The following FAF2 variants were observed in gnomAD, a reference collection of about 807,000 sequenced individuals.
The protein encoded by FAF2 is Fas associated factor family member 2.
In FAF2, 9 loss-of-function variants were observed where a neutral mutation model predicts 62.3. That is an observed-to-expected ratio of 0.14 (90% CI 0.09 to 0.25). The LOEUF is 0.25. Ranked by LOEUF, FAF2 falls within the 10% of genes least tolerant of loss-of-function variation. The probability of loss-of-function intolerance (pLI) is 1.00; values close to 1 mark genes in which losing one functional copy is unlikely to be tolerated. For missense variants in FAF2, 368 were observed against 556.2 expected (o/e 0.66, Z 3.40); for synonymous variants, 202 against 198.0 (o/e 1.02, Z -0.17).
chr5:176,505,987 G>A (rs1755676085), intron 10 of FAF2, among the ~76,000 whole-genome samples: 2 of 151,974 alleles, frequency 1.3e-5, no homozygotes, highest in Admixed American at 6.6e-5. Flanking sequence ...TCAGAAGATC[G>A]AGACCATCCT....
At chr5:176,467,281 T>C (rs1758487300) in intron 1 of FAF2, among the ~76,000 whole-genome samples, 1 of 152,042 alleles carries the variant, frequency 6.6e-6, no homozygotes, top group Admixed American at 6.6e-5. Flanking sequence ...TGCAGCTAAT[T>C]TGTACAATGC....
At chr5:176,451,930 A>G (rs1483379936) in intron 1 of FAF2, among the ~76,000 whole-genome samples, 4 of 94,496 alleles carry the variant, frequency 4.2e-5, no homozygotes, top group Non-Finnish European at 8.0e-5. Context: ...TTGAGACAAC[A>G]TATCTCTGTT....
chr5:176,450,646 C>A (rs1758148772), intron 1 of FAF2, among the ~76,000 whole-genome samples: 1 of 151,894 alleles, frequency 6.6e-6, no homozygotes, highest in African/African-American at 2.4e-5. Context: ...CTCCGCCTTC[C>A]AGTTTCAAGC....
intron 1 of FAF2, among the ~76,000 whole-genome samples, chr5:176,461,140 A>G (rs904684909): frequency 6.6e-6 from 1 of 151,376 alleles, no homozygotes; most frequent in Non-Finnish European, 1.5e-5. Flanking sequence ...CAGCTTCCTG[A>G]GTAGCTGGGA....
chr5:176,451,593 G>A (rs1158366476), intron 1 of FAF2, among the ~76,000 whole-genome samples: 1 of 150,520 alleles, frequency 6.6e-6, no homozygotes, highest in Non-Finnish European at 1.5e-5. Flanking sequence ...GAAGAAACAG[G>A]TTCTGAGAGG....
chr5:176,485,156 A>G (rs1030825700), intron 2 of FAF2, among the ~76,000 whole-genome samples: 1 of 152,232 alleles, frequency 6.6e-6, no homozygotes, highest in Non-Finnish European at 1.5e-5. Flanking sequence ...GGTACTATAC[A>G]TGGTTTCAGG....
intron 1 of FAF2, 107 bp from the exon 2 acceptor site, chr5:176,479,081 C>T: frequency 1.1e-6 from 1 of 897,034 alleles, no homozygotes; most frequent in South Asian, 1.3e-5. Flanking sequence ...TTAACACTCA[C>T]TTTTAACATT....
In FAF2 at chr5:176,464,974, G is replaced by A. The variant is rs569102476; in HGVS notation, c.64-14214G>A. 3.3e-5 allele frequency among the ~76,000 whole-genome samples: 5 copies of A among 152,028 alleles called. No individual in the cohort carries two copies. The South Asian group carries it at 6.2e-4, about 19-fold the overall frequency. On this transcript the variant is annotated intron_variant, in intron 1 of 10. Coordinates refer to ENST00000261942, the MANE Select transcript of FAF2 (RefSeq NM_014613.3). Reference sequence around the variant, plus strand: ...ATGATCTCAGCTCACTGCAACCTCCGCCTTCCAGGCTCAAGTGATTCTCTT... The same window carrying A: ...ATGATCTCAGCTCACTGCAACCTCCACCTTCCAGGCTCAAGTGATTCTCTT...
chr5:176,499,545 T>C (rs969816242), intron 9 of FAF2, among the ~76,000 whole-genome samples: 2 of 152,220 alleles, frequency 1.3e-5, no homozygotes, highest in African/African-American at 2.4e-5. Context: ...GACTGAGATA[T>C]ACATTATCTT....
At chr5:176,493,725 G>T (rs1759014112) in intron 5 of FAF2, among the ~76,000 whole-genome samples, 1 of 152,132 alleles carries the variant, frequency 6.6e-6, no homozygotes, top group South Asian at 2.1e-4. Flanking sequence ...ACCTGTGTTT[G>T]TAAGCCTGTC....
chr5:176,475,940 C>A (rs759407004), intron 1 of FAF2, among the ~76,000 whole-genome samples: 3 of 152,034 alleles, frequency 2.0e-5, no homozygotes, highest in Non-Finnish European at 4.4e-5. Flanking sequence ...AGCTTGGCAT[C>A]TAGTCAGAAC....
intron 1 of FAF2, among the ~76,000 whole-genome samples, chr5:176,478,684 T>A (rs888310723): frequency 6.6e-6 from 1 of 152,248 alleles, no homozygotes; most frequent in African/African-American, 2.4e-5. Flanking sequence ...AGATTTGGAT[T>A]GTTTTGAGAA....
At chr5:176,469,135 C>T (rs1758517975) in intron 1 of FAF2, among the ~76,000 whole-genome samples, 1 of 152,054 alleles carries the variant, frequency 6.6e-6, no homozygotes, top group Non-Finnish European at 1.5e-5. Context: ...ATCCCAGCTA[C>T]TCGGGAGGCT....
intron 1 of FAF2, among the ~76,000 whole-genome samples, chr5:176,474,669 C>T (rs930726724): frequency 1.3e-4 from 20 of 152,324 alleles, no homozygotes; most frequent in African/African-American, 4.3e-4. Context: ...CCAGATATTT[C>T]CCCATGACTG....
At chr5:176,457,567 T>G (rs1302420864) in intron 1 of FAF2, among the ~76,000 whole-genome samples, 1 of 152,160 alleles carries the variant, frequency 6.6e-6, no homozygotes, top group African/African-American at 2.4e-5. Context: ...TAGTTGTCGT[T>G]TCTCCAACAT....
intron 1 of FAF2, among the ~76,000 whole-genome samples, chr5:176,450,789 G>A (rs1037189697): frequency 3.3e-5 from 5 of 152,076 alleles, no homozygotes; most frequent in African/African-American, 1.2e-4. Flanking sequence ...TCTTGACCTC[G>A]TGATCCGCCC....
chr5:176,480,321 G>T (rs1358167021), intron 2 of FAF2, among the ~76,000 whole-genome samples: 1 of 150,008 alleles, frequency 6.7e-6, no homozygotes, highest in Admixed American at 6.7e-5. Flanking sequence ...TTAATAAAAT[G>T]TATTCCTAAT....
At chr5:176,481,549 C>T (rs910844180) in intron 2 of FAF2, among the ~76,000 whole-genome samples, 2 of 151,658 alleles carry the variant, frequency 1.3e-5, no homozygotes, top group African/African-American at 4.8e-5. Context: ...CCCAGCTACT[C>T]GGGAGGCTGA....
At chr5:176,466,196 C>A (rs1461871408) in intron 1 of FAF2, among the ~76,000 whole-genome samples, 1 of 152,174 alleles carries the variant, frequency 6.6e-6, no homozygotes, top group African/African-American at 2.4e-5. Context: ...AGAGCCTAGC[C>A]ATGATCACTT....
Sources: allele counts gnomAD v4.1 joint callset (sites outside exome capture counted in the v4.1 genomes callset), GRCh38; gene constraint gnomAD v4.1.1; transcripts MANE v1.5; gene names NCBI Gene and HGNC (gene_info 2026-07-23, HGNC 2026-07-21).